Variants in TRAK1 observed in about 807,000 individuals in gnomAD.
TRAK1 encodes trafficking kinesin protein 1, also known as trafficking kinesin-binding protein 1.
Under a neutral mutation model 92.1 loss-of-function variants are expected in TRAK1, and 33 were observed. That is an observed-to-expected ratio of 0.36 (90% CI 0.27 to 0.48). The LOEUF is 0.48. Among genes scored for constraint, TRAK1 ranks in the 20% least tolerant of loss-of-function variants. The pLI, the probability that TRAK1 is intolerant of heterozygous loss-of-function variation, is 0.99. For synonymous variants in TRAK1, 521 were observed against 517.3 expected, an observed-to-expected ratio of 1.01 and a Z score of -0.10; for missense variants, 1,123 against 1,257.9, an observed-to-expected ratio of 0.89 and a Z score of 1.62.
intron 1 of TRAK1, among the ~76,000 whole-genome samples, chr3:42,036,939 A>AT (rs2148897678): frequency 6.6e-6 from 1 of 152,034 alleles, no homozygotes; most frequent in African/African-American, 2.4e-5. Context: ...CATTTATTCT[A>AT]TTTTTGTAAA....
upstream of TRAK1, among the ~76,000 whole-genome samples, chr3:42,085,570 T>C (rs533700131): frequency 1.3e-5 from 2 of 152,324 alleles, no homozygotes; most frequent in African/African-American, 2.4e-5. Context: ...ATAAACCTGT[T>C]GGGAAAAAGG....
At chr3:42,082,189 G>A (rs1704468483) in intron 1 of TRAK1, among the ~76,000 whole-genome samples, 1 of 152,196 alleles carries the variant, frequency 6.6e-6, no homozygotes, top group Non-Finnish European at 1.5e-5. Flanking sequence ...GATACTAGGA[G>A]GAGAAACAGT....
upstream of TRAK1, among the ~76,000 whole-genome samples, chr3:42,084,800 CT>C (rs75722895): frequency 1.5e-3 from 205 of 139,478 alleles, no homozygotes; most frequent in Non-Finnish European, 1.7e-3. Context: ...ATCCCGTTTT[CT>C]TTTTTTTTTT....
At chr3:42,071,363 C>T (rs1351097387) in intron 1 of TRAK1, among the ~76,000 whole-genome samples, 1 of 152,124 alleles carries the variant, frequency 6.6e-6, no homozygotes, top group Non-Finnish European at 1.5e-5. Context: ...ATTCCTAATC[C>T]AGGCCTGTTC....
At chr3:42,135,382 T>G (rs1217347038) in intron 2 of TRAK1, among the ~76,000 whole-genome samples, 8 of 152,232 alleles carry the variant, frequency 5.3e-5, no homozygotes, top group African/African-American at 1.7e-4. Flanking sequence ...AACCTCCTTA[T>G]GAGATGTCAT....
upstream of TRAK1, among the ~76,000 whole-genome samples, chr3:42,090,634 C>G (rs1207138187): frequency 6.6e-6 from 1 of 152,188 alleles, no homozygotes; most frequent in African/African-American, 2.4e-5. Context: ...AGTGAGCTGA[C>G]ACAGTGCTAC....
intron 1 of TRAK1, among the ~76,000 whole-genome samples, chr3:42,109,441 A>C (rs1013517469): frequency 6.6e-6 from 1 of 152,244 alleles, no homozygotes; most frequent in African/African-American, 2.4e-5. Context: ...GAAAAGATAT[A>C]ATGTTAAAAA....
At chr3:42,048,387 C>T (rs1217183196) in intron 1 of TRAK1, among the ~76,000 whole-genome samples, 1 of 152,080 alleles carries the variant, frequency 6.6e-6, no homozygotes, top group Non-Finnish European at 1.5e-5. Flanking sequence ...CTGCTAATTC[C>T]ATGTATGTGG....
chr3:42,034,503 G>T (rs943354686), intron 1 of TRAK1, among the ~76,000 whole-genome samples: 1 of 152,030 alleles, frequency 6.6e-6, no homozygotes, highest in East Asian at 1.9e-4. Flanking sequence ...ATGTTGTCCC[G>T]GATGGTCTAA....
At chr3:42,204,251 TCTGTCTTGTCTG>T in intron 13 of TRAK1, 3 of 985,388 alleles carry the variant, frequency 3.0e-6, no homozygotes, top group Non-Finnish European at 3.6e-6. Flanking sequence ...ATTTATCATC[TCTGTCTTGTCTG>T]CTTTCTATAT....
At chr3:42,186,274 G>C (rs1213790668) in intron 4 of TRAK1, among the ~76,000 whole-genome samples, 1 of 152,132 alleles carries the variant, frequency 6.6e-6, no homozygotes, top group Non-Finnish European at 1.5e-5. Context: ...GAGCCCCTGC[G>C]CCTGGCCTCT....
intron 1 of TRAK1, among the ~76,000 whole-genome samples, chr3:42,111,405 T>C (rs7633272): frequency 2.1e-3 from 318 of 152,164 alleles, no homozygotes; most frequent in African/African-American, 7.4e-3. Flanking sequence ...AATCCTTTTT[T>C]TTTTTTTTGA....
intron 7 of TRAK1, among the ~76,000 whole-genome samples, chr3:42,192,213 AT>A (rs375459617): frequency 6.6e-6 from 1 of 152,068 alleles, no homozygotes; most frequent in Non-Finnish European, 1.5e-5. Context: ...GAATATTGGA[AT>A]TTTTTAATGC....
intron 2 of TRAK1, among the ~76,000 whole-genome samples, chr3:42,136,645 A>T (rs373454765): frequency 7.3e-6 from 1 of 136,494 alleles, no homozygotes; most frequent in African/African-American, 2.7e-5. Context: ...AAATAAATAA[A>T]AAATAAATAA....
chr3:42,196,748 A>G (rs1200567926), intron 10 of TRAK1, among the ~76,000 whole-genome samples: 1 of 148,376 alleles, frequency 6.7e-6, no homozygotes, highest in Admixed American at 6.8e-5. Context: ...GGGTTTCACC[A>G]TGTTGGCCAA....
chr3:42,179,401 G>A (rs888196912), intron 3 of TRAK1, among the ~76,000 whole-genome samples: 2 of 152,224 alleles, frequency 1.3e-5, no homozygotes, highest in Non-Finnish European at 2.9e-5. Context: ...GGATCCCAAA[G>A]CACAGCCTTC....
chr3:42,107,760 A>G (rs1576386919), intron 1 of TRAK1, among the ~76,000 whole-genome samples: 1 of 151,994 alleles, frequency 6.6e-6, no homozygotes, highest in African/African-American at 2.4e-5. Flanking sequence ...TGTATCAGTA[A>G]GGATTAAGTT....
At chr3:42,094,992 C>G (rs573005957) in intron 1 of TRAK1, among the ~76,000 whole-genome samples, 1 of 152,322 alleles carries the variant, frequency 6.6e-6, no homozygotes, top group African/African-American at 2.4e-5. Context: ...AGGTCCACTT[C>G]ACTCACAGTA....
intron 1 of TRAK1, among the ~76,000 whole-genome samples, chr3:42,016,687 T>G (rs766935022): frequency 2.2e-4 from 33 of 152,178 alleles, no homozygotes; most frequent in Admixed American, 1.7e-3. Context: ...ATGCGATTGT[T>G]CTGTAGCACC....
Sources: allele counts gnomAD v4.1 joint callset (sites outside exome capture counted in the v4.1 genomes callset), GRCh38; gene constraint gnomAD v4.1.1; transcripts MANE v1.5; gene names NCBI Gene and HGNC (gene_info 2026-07-23, HGNC 2026-07-21).